The following MACROD2 variants were observed in gnomAD, a reference collection of about 807,000 sequenced individuals.
MACROD2 encodes mono-ADP ribosylhydrolase 2, also known as ADP-ribose glycohydrolase MACROD2.
A neutral mutation model predicts 70.4 loss-of-function variants in MACROD2; 36 were observed. The observed-to-expected ratio is 0.51, with a 90% CI of 0.39 to 0.68. The LOEUF is 0.68. Ranked by LOEUF, MACROD2 falls within the 30% of genes least tolerant of loss-of-function variation. MACROD2 has a pLI of 0.00. For missense variants in MACROD2, 496 were observed against 538.4 expected (o/e 0.92, Z 0.78); for synonymous variants, 172 against 178.8 (o/e 0.96, Z 0.30).
intron 3 of MACROD2, among the ~76,000 whole-genome samples, chr20:14,396,857 G>A (rs1360428325): frequency 6.8e-6 from 1 of 146,086 alleles, no homozygotes; most frequent in African/African-American, 2.5e-5. Context: ...CCCAGGAGGT[G>A]GAGCTTGCAG....
chr20:15,911,402 A>T (rs2065235601), intron 10 of MACROD2, among the ~76,000 whole-genome samples: 1 of 152,262 alleles, frequency 6.6e-6, no homozygotes, highest in Non-Finnish European at 1.5e-5. Flanking sequence ...TTAGGAGGAC[A>T]TAATGTCATG....
intron 8 of MACROD2, among the ~76,000 whole-genome samples, chr20:15,742,414 A>G (rs1028559599): frequency 2.0e-5 from 3 of 152,228 alleles, no homozygotes; most frequent in Non-Finnish European, 2.9e-5. Flanking sequence ...TTTCGAGAGA[A>G]CTTATTTTTG....
intron 3 of MACROD2, among the ~76,000 whole-genome samples, chr20:14,268,100 A>G (rs1357309450): frequency 1.3e-5 from 2 of 152,112 alleles, no homozygotes; most frequent in Admixed American, 1.3e-4. Flanking sequence ...TGTGAACTCA[A>G]GATTGCATAA....
At chr20:15,227,868 A>G (rs1053809444) in intron 5 of MACROD2, among the ~76,000 whole-genome samples, 6 of 87,648 alleles carry the variant, frequency 6.8e-5, no homozygotes, top group Non-Finnish European at 1.1e-4. Context: ...ATTGACCTTT[A>G]AACCCATATC....
chr20:14,485,374 A>C (rs1186091273), intron 3 of MACROD2, among the ~76,000 whole-genome samples: 3 of 152,198 alleles, frequency 2.0e-5, no homozygotes, highest in African/African-American at 7.2e-5. Flanking sequence ...TTTTTGTCAT[A>C]ACCTCAGAAG....
intron 8 of MACROD2, among the ~76,000 whole-genome samples, chr20:15,606,036 T>A (rs2048888717): frequency 6.6e-6 from 1 of 152,194 alleles, no homozygotes; most frequent in Non-Finnish European, 1.5e-5. Flanking sequence ...TCTCCCCTTC[T>A]CTACTTTTAA....
At chr20:15,772,573 CT>C (rs2051653996) in intron 8 of MACROD2, among the ~76,000 whole-genome samples, 1 of 152,048 alleles carries the variant, frequency 6.6e-6, no homozygotes, top group Admixed American at 6.6e-5. Flanking sequence ...TGTTTTCACA[CT>C]GCTATAAAGA....
chr20:15,097,469 C>T (rs772415769), intron 5 of MACROD2, among the ~76,000 whole-genome samples: 1 of 152,120 alleles, frequency 6.6e-6, no homozygotes, highest in Non-Finnish European at 1.5e-5. Context: ...ACTAATATAG[C>T]ATAACAGATG....
chr20:14,321,650 A>G (rs2122549573), intron 3 of MACROD2, among the ~76,000 whole-genome samples: 1 of 152,338 alleles, frequency 6.6e-6, no homozygotes, highest in East Asian at 1.9e-4. Context: ...ATTAACACTC[A>G]TGCTTCAGAT....
At chr20:14,684,214 A>C (rs1421145619) in intron 4 of MACROD2, among the ~76,000 whole-genome samples, 1 of 151,982 alleles carries the variant, frequency 6.6e-6, no homozygotes, top group Non-Finnish European at 1.5e-5. Context: ...GACCTAATCT[A>C]CCCTTGCGCA....
intron 3 of MACROD2, among the ~76,000 whole-genome samples, chr20:14,342,100 A>G (rs780294899): frequency 1.3e-5 from 2 of 152,178 alleles, no homozygotes; most frequent in South Asian, 2.1e-4. Flanking sequence ...TCCCGAACCT[A>G]TTACATGGGT....
At chr20:14,611,027 A>C (rs771179711) in intron 4 of MACROD2, among the ~76,000 whole-genome samples, 2 of 152,092 alleles carry the variant, frequency 1.3e-5, no homozygotes, top group Non-Finnish European at 2.9e-5. Context: ...TATTGCTTCA[A>C]ATACTTGTTT....
intron 3 of MACROD2, among the ~76,000 whole-genome samples, chr20:14,331,971 G>C (rs114279385): frequency 0.015 from 2,296 of 152,124 alleles, 23 homozygotes; most frequent in African/African-American, 0.027. Context: ...AAAATGAATC[G>C]ATCTTTTAGA....
intron 3 of MACROD2, among the ~76,000 whole-genome samples, chr20:14,106,255 C>T (rs2054366888): frequency 6.6e-6 from 1 of 152,134 alleles, no homozygotes; most frequent in South Asian, 2.1e-4. Context: ...TTGGTGGTAG[C>T]CTGACAGAAC....
At chr20:15,931,897 G>T (rs889770704) in intron 10 of MACROD2, among the ~76,000 whole-genome samples, 1 of 152,080 alleles carries the variant, frequency 6.6e-6, no homozygotes, top group Non-Finnish European at 1.5e-5. Context: ...CTTCCCCACT[G>T]CTTCTGAGGC....
chr20:14,900,689 C>T (rs1297893698), intron 5 of MACROD2, among the ~76,000 whole-genome samples: 1 of 150,622 alleles, frequency 6.6e-6, no homozygotes, highest in South Asian at 2.1e-4. Flanking sequence ...TAATTGAGCC[C>T]TTTTTTTTTC....
intron 8 of MACROD2, among the ~76,000 whole-genome samples, chr20:15,743,876 T>C (rs1055000320): frequency 6.6e-6 from 1 of 152,164 alleles, no homozygotes; most frequent in African/African-American, 2.4e-5. Flanking sequence ...TATCAACTTA[T>C]ACAAAAAAAT....
intron 7 of MACROD2, among the ~76,000 whole-genome samples, chr20:15,480,659 A>G (rs1049928785): frequency 6.6e-6 from 1 of 152,072 alleles, no homozygotes; most frequent in Non-Finnish European, 1.5e-5. Flanking sequence ...GGTTACCAGG[A>G]GGATGGGACA....
intron 5 of MACROD2, among the ~76,000 whole-genome samples, chr20:14,967,678 A>G (rs1346178139): frequency 2.0e-5 from 3 of 152,064 alleles, no homozygotes; most frequent in Non-Finnish European, 4.4e-5. Flanking sequence ...AAACTTGCCT[A>G]TTCCATTTCT....
Sources: gnomAD v4.1 joint callset for allele counts (sites outside exome capture counted in the v4.1 genomes callset) on GRCh38, gnomAD v4.1.1 for gene constraint, MANE v1.5 for transcripts, NCBI Gene and HGNC (gene_info 2026-07-23, HGNC 2026-07-21) for gene names.